ELAVL4: variants seen among roughly 807,000 people sequenced by gnomAD.
The protein encoded by ELAVL4 is ELAV like RNA binding protein 4, also known as ELAV-like protein 4.
A neutral mutation model predicts 35.6 loss-of-function variants in ELAVL4; 1 was observed. The observed-to-expected ratio is 0.03, with a 90% CI of 0.01 to 0.13. The LOEUF is 0.13. Ranked by LOEUF, ELAVL4 falls within the 10% of genes least tolerant of loss-of-function variation. The pLI, the probability that ELAVL4 is intolerant of heterozygous loss-of-function variation, is 1.00. For synonymous variants in ELAVL4, 156 were observed against 171.0 expected (o/e 0.91, Z 0.69); for missense variants, 267 against 464.9 (o/e 0.57, Z 3.91).
intron 1 of ELAVL4, among the ~76,000 whole-genome samples, chr1:50,089,169 G>A (rs1665382310): frequency 6.6e-6 from 1 of 152,194 alleles, no homozygotes; most frequent in South Asian, 2.1e-4. Context: ...AATTCTCAAT[G>A]TAGCAGAAAA....
chr1:50,113,539 T>G (rs1177053966), intron 1 of ELAVL4, among the ~76,000 whole-genome samples: 2 of 152,086 alleles, frequency 1.3e-5, no homozygotes, highest in African/African-American at 4.8e-5. Context: ...ACATTTAATA[T>G]GTACATTTGT....
intron 1 of ELAVL4, among the ~76,000 whole-genome samples, chr1:50,050,768 A>G (rs1663315622): frequency 6.6e-6 from 1 of 152,062 alleles, no homozygotes; most frequent in Non-Finnish European, 1.5e-5. Context: ...TAATATGATA[A>G]TGGATATTAT....
chr1:50,163,623 C>T (rs1159142234), intron 2 of ELAVL4, among the ~76,000 whole-genome samples: 4 of 152,094 alleles, frequency 2.6e-5, no homozygotes, highest in African/African-American at 7.2e-5. Context: ...GCCAGAAGTT[C>T]GAGACCAGCC....
intron 1 of ELAVL4, among the ~76,000 whole-genome samples, chr1:50,077,670 T>C (rs551355731): frequency 2.3e-4 from 35 of 152,346 alleles, no homozygotes; most frequent in South Asian, 2.3e-3. Context: ...ATACTTACCC[T>C]GCTTGCTGTG....
intron 1 of ELAVL4, among the ~76,000 whole-genome samples, chr1:50,075,886 G>C (rs1183550608): frequency 2.0e-5 from 3 of 152,074 alleles, no homozygotes; most frequent in Non-Finnish European, 4.4e-5. Flanking sequence ...GGAGTGAAGT[G>C]GCATGATCTC....
At chr1:50,124,105 TGGAC>T (rs1400363693) in intron 1 of ELAVL4, among the ~76,000 whole-genome samples, 1 of 152,122 alleles carries the variant, frequency 6.6e-6, no homozygotes, top group Non-Finnish European at 1.5e-5. Context: ...AGTGGGATAT[TGGAC>T]CCAAATCCCC....
chr1:50,156,407 C>T (rs1023198304), intron 2 of ELAVL4, among the ~76,000 whole-genome samples: 1 of 152,120 alleles, frequency 6.6e-6, no homozygotes, highest in Non-Finnish European at 1.5e-5. Flanking sequence ...TATCTCGTAA[C>T]TCCTAACCAC....
upstream of ELAVL4, among the ~76,000 whole-genome samples, chr1:50,105,042 A>C (rs1464022248): frequency 3.3e-5 from 5 of 152,198 alleles, no homozygotes; most frequent in Non-Finnish European, 7.3e-5. Flanking sequence ...CACTATTCAT[A>C]TAATTGTATT....
At chr1:50,121,499 C>T (rs895571618) in intron 1 of ELAVL4, among the ~76,000 whole-genome samples, 9 of 152,054 alleles carry the variant, frequency 5.9e-5, no homozygotes, top group Non-Finnish European at 8.8e-5. Context: ...TGAATCTTTG[C>T]TTCAGTTACC....
chr1:50,195,556 C>G lies in ELAVL4; in HGVS notation c.509-5C>G, dbSNP rs766781834. 1 of 1,614,030 alleles carries G rather than the reference C, an allele frequency of 6.2e-7. No individual in the cohort carries two copies. The highest frequency in any genetic ancestry group is 1.7e-5 in the Admixed American group (1 of 60,028). On this transcript the variant is annotated splice_polypyrimidine_tract_variant and splice_region_variant and intron_variant, in intron 4 of 6. Coordinates refer to ENST00000371824, the MANE Select transcript of ELAVL4 (RefSeq NM_001144774.3). ...TCTTTACAAAGGCTCTTTCTCTTTCCCCAGGAGTGTCCAGAGGGGTGGGAT... is the reference window on the plus strand; with the variant it reads ...TCTTTACAAAGGCTCTTTCTCTTTCGCCAGGAGTGTCCAGAGGGGTGGGAT...
chr1:50,071,898 T>A (rs1297982055), intron 1 of ELAVL4, among the ~76,000 whole-genome samples: 1 of 152,152 alleles, frequency 6.6e-6, no homozygotes, highest in East Asian at 1.9e-4. Context: ...GCAGTCTATA[T>A]TGAGTAGCAC....
At chr1:50,108,299 G>C (rs559906895), upstream of ELAVL4, among the ~76,000 whole-genome samples, 1 of 152,160 alleles carries the variant, frequency 6.6e-6, no homozygotes, top group East Asian at 1.9e-4. Context: ...CCTAGTTCAC[G>C]GAGCAAGCTT....
chr1:50,144,555 A>T, intron 1 of ELAVL4: 1 of 480,524 alleles, frequency 2.1e-6, no homozygotes, highest in Non-Finnish European at 4.1e-6. Flanking sequence ...TTGTGAGTGT[A>T]GTCCTCTATA....
At chr1:50,128,421 G>A (rs1670308775) in intron 1 of ELAVL4, among the ~76,000 whole-genome samples, 1 of 152,134 alleles carries the variant, frequency 6.6e-6, no homozygotes, top group African/African-American at 2.4e-5. Flanking sequence ...TAGAAAGCAG[G>A]TGAGGACCTA....
chr1:50,113,954 G>GA (rs1324489096), intron 1 of ELAVL4, among the ~76,000 whole-genome samples: 6 of 152,042 alleles, frequency 3.9e-5, no homozygotes, highest in Non-Finnish European at 8.8e-5. Context: ...TATAAATGGA[G>GA]AGAAAACCAA....
Position 50,193,877 on chromosome 1 carries a change from G to A in ELAVL4, c.467G>A (p.Gly156Asp). 6.2e-7 allele frequency: 1 copy of A among 1,614,080 alleles called. No individual in the cohort carries two copies. Among genetic ancestry groups the A allele is most frequent in the Non-Finnish European group, 8.5e-7 (1 of 1,179,976 alleles). ...CTGGAGCAACTTTTCTCGCAATACGGCCGTATCATCACCTCACGAATCCTG... is the reference window on the plus strand; with the variant it reads ...CTGGAGCAACTTTTCTCGCAATACGACCGTATCATCACCTCACGAATCCTG... ...KELEQLFSQY[G>D]RIITSRILVD... Residue 156 changes from glycine to aspartate, a missense_variant, in exon 4 of 7, where the codon GGC becomes GAC. Around this residue, in one of 2 missense-constraint regions of ELAVL4, gnomAD observed 216 missense variants for 409.5 expected, o/e 0.53. Transcript: ENST00000371824.
At chr1:50,116,608 C>CCCCT (rs1668005766) in intron 1 of ELAVL4, among the ~76,000 whole-genome samples, 1 of 151,520 alleles carries the variant, frequency 6.6e-6, no homozygotes, top group Non-Finnish European at 1.5e-5. Context: ...TTTCAAGTGC[C>CCCCT]CCCTTTGAAG....
upstream of ELAVL4, chr1:50,103,970 A>C (rs754382387): frequency 6.2e-7 from 1 of 1,613,958 alleles, no homozygotes; most frequent in South Asian, 1.1e-5. Context: ...TAATCGACTG[A>C]AAATGAGCCG....
chr1:50,093,783 C>G (rs985631503), intron 1 of ELAVL4, among the ~76,000 whole-genome samples: 1 of 152,158 alleles, frequency 6.6e-6, no homozygotes, highest in Non-Finnish European at 1.5e-5. Context: ...CGTGGTCTCT[C>G]CTTTGCCCTT....
Sources: allele counts gnomAD v4.1 joint callset (sites outside exome capture counted in the v4.1 genomes callset), GRCh38; gene constraint gnomAD v4.1.1; regional missense constraint gnomAD v4.1.1; transcripts MANE v1.5; gene names NCBI Gene and HGNC (gene_info 2026-07-23, HGNC 2026-07-21).